CALHM3: variants seen among roughly 807,000 people sequenced by gnomAD.
CALHM3 encodes calcium homeostasis modulator 3.
CALHM3 carries 9 observed loss-of-function variants against 13.6 expected under a neutral mutation model. That is an observed-to-expected ratio of 0.66 (90% CI 0.40 to 1.15). CALHM3 has a LOEUF of 1.15. Among genes scored for constraint, CALHM3 ranks in the 50% most tolerant of loss-of-function variants. The pLI is 0.01. For synonymous variants in CALHM3, 231 were observed against 213.2 expected (o/e 1.08, Z -0.73); for missense variants, 497 against 463.4 (o/e 1.07, Z -0.67).
rs903405373 is a variant in CALHM3 at position 103,476,890 on chromosome 10, C to T, written c.288-341G>A. Among the ~76,000 whole-genome samples, 6 of 152,308 alleles carry T rather than the reference C, an allele frequency of 3.9e-5. No individual in the cohort carries two copies. The South Asian group carries it at 1.2e-3, about 32-fold the overall frequency. On this transcript the variant is annotated intron_variant, in intron 1 of 2. Coordinates refer to ENST00000369783, the MANE Select transcript of CALHM3 (RefSeq NM_001129742.2). ...ACCTCAAGCATCTGCATTGTTCTGC[C>T]CCTGGGGCTTTGGAGGATTTTTTGC...
At chr10:103,476,906 GA>G (rs1249658329) in intron 1 of CALHM3, among the ~76,000 whole-genome samples, 3 of 152,208 alleles carry the variant, frequency 2.0e-5, no homozygotes, top group Non-Finnish European at 2.9e-5. Context: ...GGCTTTGGAG[GA>G]TTTTTTGCTC....
intron 1 of CALHM3, among the ~76,000 whole-genome samples, chr10:103,478,089 A>G (rs1325017425): frequency 3.9e-5 from 6 of 152,220 alleles, no homozygotes; most frequent in African/African-American, 7.2e-5. Flanking sequence ...GTAGATCATA[A>G]GACTCCCTTC....
chr10:103,478,499 G>A (rs1029760917), intron 1 of CALHM3, among the ~76,000 whole-genome samples: 5 of 152,190 alleles, frequency 3.3e-5, no homozygotes, highest in African/African-American at 9.6e-5. Context: ...CACTGGCCAC[G>A]GAAAGGTGAC....
At chr10:103,478,046 G>A (rs929056720) in intron 1 of CALHM3, among the ~76,000 whole-genome samples, 14 of 152,208 alleles carry the variant, frequency 9.2e-5, no homozygotes, top group Middle Eastern at 3.4e-3. Context: ...AAAACTGGCC[G>A]TAAAGAAATG....
At position 103,476,462 on chromosome 10, in the gene CALHM3, C is replaced by T. The variant is rs934767473; in HGVS notation, c.375G>A (p.Val125=). ...GGTCCACAGAGCTGCTGAAGGCACA[C>T]ACGAAGCACTTCCCGTCAAGGAGGG... The part of the protein sequence containing the change: ...LLALLDGKCF[V]CAFSSSVDPE... The change falls in exon 2 of 3, where the codon GTG becomes GTA. Residue 125 remains valine (V), a synonymous_variant. Transcript: ENST00000369783. 1.9e-6 allele frequency: 3 copies of T among 1,551,588 alleles called. No homozygotes were observed. Among genetic ancestry groups the T allele is most frequent in the Admixed American group, 2.0e-5 (1 of 50,986 alleles).
chr10:103,472,834 T>G lies in CALHM3; in HGVS notation c.*379A>C. The G allele has an allele frequency of 5.1e-6, 1 of 195,450 alleles. No homozygotes were observed. The highest frequency in any genetic ancestry group is 1.0e-5 in the Non-Finnish European group (1 of 97,464). 12.1% of individuals were successfully genotyped at this position (195,450 alleles called of 1,614,324 possible). ...AGGCAGCAGACTAAGGTCATTATTATTATTTAGAATTGACATCTAGAACCC... is the reference window on the plus strand; with the variant it reads ...AGGCAGCAGACTAAGGTCATTATTAGTATTTAGAATTGACATCTAGAACCC... On this transcript the variant is annotated 3_prime_UTR_variant, in exon 3 of 3. Transcript: ENST00000369783.
chr10:103,474,415 C>CA (rs1478416177), intron 2 of CALHM3, among the ~76,000 whole-genome samples: 1 of 151,342 alleles, frequency 6.6e-6, no homozygotes, highest in Non-Finnish European at 1.5e-5. Context: ...ATCCACCCCC[C>CA]CCATCCAACC....
intron 1 of CALHM3, among the ~76,000 whole-genome samples, chr10:103,477,331 A>C (rs548378148): frequency 2.0e-5 from 3 of 152,238 alleles, no homozygotes; most frequent in Non-Finnish European, 4.4e-5. Flanking sequence ...TGCCCACTGG[A>C]CCCCAGAGGA....
chr10:103,474,419 T>G (rs563752375), intron 2 of CALHM3, among the ~76,000 whole-genome samples: 114 of 148,256 alleles, frequency 7.7e-4, no homozygotes, highest in Admixed American at 1.5e-3. Context: ...ACCCCCCCCA[T>G]CCAACCATCT....
intron 1 of CALHM3, among the ~76,000 whole-genome samples, chr10:103,477,650 A>T (rs898595832): frequency 2.0e-5 from 3 of 152,018 alleles, no homozygotes; most frequent in Non-Finnish European, 2.9e-5. Context: ...GCTCACTGCA[A>T]CCTCTGCCTC....
rs1307893449 is a variant in CALHM3, at chr10:103,476,568, G to T, written c.288-19C>A. The stretch of plus-strand genomic sequence containing the variant: ...CATGTACCTGGCAGCAGAGGAAGGA[G>T]GGGGGTCAAGGGGCAGCTGGAAGTC... On this transcript the variant is annotated intron_variant, in intron 1 of 2. Coordinates refer to ENST00000369783, the MANE Select transcript of CALHM3 (RefSeq NM_001129742.2). The T allele has an allele frequency of 1.9e-6, 3 of 1,549,620 alleles. No homozygotes were observed. Among genetic ancestry groups the T allele is most frequent in the South Asian group, 1.2e-5 (1 of 84,032 alleles).
At position 103,473,436 on chromosome 10, in the gene CALHM3, G is replaced by A. The variant is rs1030429010; in HGVS notation, c.812C>T (p.Pro271Leu). 6.5e-7 allele frequency: 1 copy of A among 1,530,416 alleles called. No homozygotes were observed. The highest frequency in any genetic ancestry group is 8.8e-7 in the Non-Finnish European group (1 of 1,135,278). The allele number at this position is 1,530,416 out of a possible 1,614,324, so 94.8% of individuals were successfully genotyped here. A position where few individuals can be genotyped will look rare whatever the true frequency, so the allele number is the denominator to read the frequency against. ...RGNAGRRLEL[P>L]AVPEPPEGLD... ...GCCTTCTGGGGGCTCAGGCACTGCG[G>A]GGAGCTCGAGTCTCCTGCCTGCATT... Residue 271 changes from proline (P) to leucine (L), a missense_variant, in exon 3 of 3, where the codon CCC becomes CTC. Pro to Leu is a moderately conservative substitution (Grantham distance 98). Coordinates refer to ENST00000369783, the MANE Select transcript of CALHM3 (RefSeq NM_001129742.2).
In CALHM3 at chr10:103,473,478, C is replaced by A. The variant is rs930537031; in HGVS notation, c.770G>T (p.Arg257Leu). Residue 257 changes from arginine to leucine, a missense_variant, in exon 3 of 3, where the codon CGG (arginine) becomes CTG (leucine). Coordinates refer to ENST00000369783, the MANE Select transcript of CALHM3 (RefSeq NM_001129742.2). ...FASMRSELQA[R>L]GLRRGNAGRR... ...GCCTGCATTGCCCCGGCGCAGCCCCCGCGCCTGCAGCTCACTCCGCATGCT... is the reference window on the plus strand; with the variant it reads ...GCCTGCATTGCCCCGGCGCAGCCCCAGCGCCTGCAGCTCACTCCGCATGCT... 1.5e-5 allele frequency: 23 copies of A among 1,548,668 alleles called. No individual in the cohort carries two copies. Among genetic ancestry groups the A allele is most frequent in the African/African-American group, 2.7e-5 (2 of 72,960 alleles).
At chr10:103,475,099 C>T (rs2033374234) in intron 2 of CALHM3, among the ~76,000 whole-genome samples, 1 of 152,128 alleles carries the variant, frequency 6.6e-6, no homozygotes, top group African/African-American at 2.4e-5. Flanking sequence ...AGCTGGGGCC[C>T]ACACCTGGCA....
Position 103,473,261 on chromosome 10 carries a change from G to A in CALHM3, c.987C>T (p.Ala329=), listed in dbSNP as rs1032494926. 4 of 1,449,512 alleles carry A rather than the reference G, an allele frequency of 2.8e-6. No homozygotes were observed. Among genetic ancestry groups the A allele is most frequent in the Non-Finnish European group, 3.6e-6 (4 of 1,098,216 alleles). The allele number at this position is 1,449,512 out of a possible 1,614,324, so 89.8% of individuals were successfully genotyped here. ...GLCGGGLSHR[A]PTLALGTRLS... ...GCCTCGTGCCCAGTGCCAAGGTAGGGGCGCGGTGGCTAAGGCCACCCCCGC... is the reference window on the plus strand; with the variant it reads ...GCCTCGTGCCCAGTGCCAAGGTAGGAGCGCGGTGGCTAAGGCCACCCCCGC... Residue 329 remains alanine, a synonymous_variant, in exon 3 of 3, where the codon GCC becomes GCT. Transcript: ENST00000369783.
Position 103,479,055 on chromosome 10 carries a change from C to T in CALHM3, c.-23G>A, listed in dbSNP as rs911054819. 23 of 1,530,556 alleles carry T rather than the reference C, an allele frequency of 1.5e-5. No homozygotes were observed. The highest frequency in any genetic ancestry group is 7.4e-5 in the East Asian group (3 of 40,798). The allele number at this position is 1,530,556 out of a possible 1,614,324, so 94.8% of individuals were successfully genotyped here. Reference sequence around the variant, plus strand: ...CATGGCTCCAGCCTGGGTGGGTGGGCGGCCGTCGGTTCGGCTCAGTGAGGC... The same window carrying T: ...CATGGCTCCAGCCTGGGTGGGTGGGTGGCCGTCGGTTCGGCTCAGTGAGGC... On this transcript the variant is annotated 5_prime_UTR_variant, in exon 1 of 3. Coordinates refer to ENST00000369783, the MANE Select transcript of CALHM3 (RefSeq NM_001129742.2).
At chr10:103,477,270 G>A (rs1378678552) in intron 1 of CALHM3, among the ~76,000 whole-genome samples, 1 of 152,132 alleles carries the variant, frequency 6.6e-6, no homozygotes, top group Non-Finnish European at 1.5e-5. Context: ...GCCCCTGCCT[G>A]TAGTGACCTC....
In CALHM3 at chr10:103,473,250, G is replaced by C; in HGVS notation, c.998C>G (p.Ala333Gly). Residue 333 changes from alanine (A) to glycine (G), a missense_variant, in exon 3 of 3, where the codon GCA becomes GGA. By Grantham distance (60) the Ala-to-Gly change is moderately conservative. Coordinates refer to ENST00000369783, the MANE Select transcript of CALHM3 (RefSeq NM_001129742.2). ...GGLSHRAPTL[A>G]LGTRLSQHTD... ...GTGTTGTGACAGCCTCGTGCCCAGTGCCAAGGTAGGGGCGCGGTGGCTAAG... is the reference window on the plus strand; with the variant it reads ...GTGTTGTGACAGCCTCGTGCCCAGTCCCAAGGTAGGGGCGCGGTGGCTAAG... The C allele has an allele frequency of 6.9e-7, 1 of 1,445,076 alleles. No homozygotes were observed. The highest frequency in any genetic ancestry group is 9.1e-7 in the Non-Finnish European group (1 of 1,096,092). 89.5% of individuals were successfully genotyped at this position (1,445,076 alleles called of 1,614,324 possible).
Position 103,473,027 on chromosome 10 carries a change from T to G in CALHM3, c.*186A>C. ...AGGCCCTCGGTGAACCGAGTCCACA[T>G]TAAAGTTTGTGAAGCGCGCTGGAGG... On this transcript the variant is annotated 3_prime_UTR_variant, in exon 3 of 3. Coordinates refer to ENST00000369783, the MANE Select transcript of CALHM3 (RefSeq NM_001129742.2). 1 of 519,558 alleles carries G rather than the reference T, an allele frequency of 1.9e-6. No homozygotes were observed. Among genetic ancestry groups the G allele is most frequent in the Non-Finnish European group, 3.0e-6 (1 of 335,884 alleles). The allele number at this position is 519,558 out of a possible 1,614,324, so 32.2% of individuals were successfully genotyped here. A position where few individuals can be genotyped will look rare whatever the true frequency, so the allele number is the denominator to read the frequency against.
Sources: gnomAD v4.1 joint callset for allele counts (sites outside exome capture counted in the v4.1 genomes callset) on GRCh38, gnomAD v4.1.1 for gene constraint, MANE v1.5 for transcripts, NCBI Gene and HGNC (gene_info 2026-07-23, HGNC 2026-07-21) for gene names.